KPTN: variants seen among roughly 807,000 people sequenced by gnomAD.
The protein encoded by KPTN is KICSTOR complex protein kaptin.
In KPTN, 36 loss-of-function variants were observed where a neutral mutation model predicts 52.6. The observed-to-expected ratio is 0.68, with a 90% CI of 0.52 to 0.90. The LOEUF (loss-of-function observed/expected upper bound fraction) is 0.90. KPTN is among the 40% of genes least tolerant of loss of function. The pLI is 0.00. For missense variants in KPTN, 529 were observed against 576.2 expected, an observed-to-expected ratio of 0.92 and a Z score of 0.84; for synonymous variants, 271 against 248.4, an observed-to-expected ratio of 1.09 and a Z score of -0.85.
rs201464773 is a variant in KPTN at position 47,476,526 on chromosome 19, G to A, written c.1182+6C>T. The A allele has an allele frequency of 1.9e-6, 3 of 1,591,050 alleles. No homozygotes were observed. The highest frequency in any genetic ancestry group is 2.6e-6 in the Non-Finnish European group (3 of 1,165,992). ...ACTCCCCTCCCACCCCAAGAGCTGG[G>A]GATACCTGCAGGATGTGCACGCCCT... On this transcript the variant is annotated splice_donor_region_variant and intron_variant, in intron 11 of 11. Coordinates refer to ENST00000338134, the MANE Select transcript of KPTN (RefSeq NM_007059.4).
rs1196229623 is a variant in KPTN at position 47,475,372 on chromosome 19, G to T, written c.*44C>A. On this transcript the variant is annotated 3_prime_UTR_variant, in exon 12 of 12. Transcript: ENST00000338134. ...CCCACCAGCGGCTGGAGGTGAGCACGCCATGAGTCGCCCCAGGTCTGGGAA... is the reference window on the plus strand; with the variant it reads ...CCCACCAGCGGCTGGAGGTGAGCACTCCATGAGTCGCCCCAGGTCTGGGAA... The T allele has an allele frequency of 6.3e-7, 1 of 1,598,780 alleles. No individual in the cohort carries two copies. Among genetic ancestry groups the T allele is most frequent in the Non-Finnish European group, 8.5e-7 (1 of 1,171,000 alleles).
At position 47,475,324 on chromosome 19, in the gene KPTN, G is replaced by C. The variant is rs1323644077; in HGVS notation, c.*92C>G. 1 of 1,472,402 alleles carries C rather than the reference G, an allele frequency of 6.8e-7. No homozygotes were observed. The highest frequency in any genetic ancestry group is 1.4e-5 in the African/African-American group (1 of 72,086). 91.2% of individuals were successfully genotyped at this position (1,472,402 alleles called of 1,614,324 possible). A position where few individuals can be genotyped will look rare whatever the true frequency, so the allele number is the denominator to read the frequency against. ...ACCACCCTGGGGAGGTCTGGGGAGA[G>C]CATCCTGTCCTTCAGGACACCCCCC... On this transcript the variant is annotated 3_prime_UTR_variant, in exon 12 of 12. Coordinates refer to ENST00000338134, the MANE Select transcript of KPTN (RefSeq NM_007059.4).
upstream of KPTN, among the ~76,000 whole-genome samples, chr19:47,485,702 A>G (rs1968052767): frequency 6.6e-6 from 1 of 152,226 alleles, no homozygotes; most frequent in African/African-American, 2.4e-5. Flanking sequence ...CATGATGGAA[A>G]GTTCTCAAAG....
At chr19:47,480,872 A>G in intron 5 of KPTN, 39 bp from the exon 6 acceptor site, 5 of 1,613,040 alleles carry the variant, frequency 3.1e-6, no homozygotes, top group Non-Finnish European at 4.2e-6. Flanking sequence ...CGCTTAAGTC[A>G]GCCGTCAGCT....
At position 47,475,398 on chromosome 19, in the gene KPTN, G is replaced by A; in HGVS notation, c.*18C>T. 6.2e-7 allele frequency: 1 copy of A among 1,610,336 alleles called. No individual in the cohort carries two copies. The highest frequency in any genetic ancestry group is 8.5e-7 in the Non-Finnish European group (1 of 1,177,640). On this transcript the variant is annotated 3_prime_UTR_variant, in exon 12 of 12. Transcript: ENST00000338134. ...CCATGAGTCGCCCCAGGTCTGGGAA[G>A]AGTGGGTGCATGGGTGCTTAAGAGG...
intron 2 of KPTN, 34 bp from the exon 3 acceptor site, chr19:47,483,413 G>C (rs1568458427): frequency 6.2e-7 from 1 of 1,607,266 alleles, no homozygotes; most frequent in Middle Eastern, 1.7e-4. Flanking sequence ...GGGAGGGCAG[G>C]GGTGGCAGGA....
At chr19:47,477,998 T>C (rs1967733821) in intron 8 of KPTN, among the ~76,000 whole-genome samples, 1 of 147,208 alleles carries the variant, frequency 6.8e-6, no homozygotes, top group East Asian at 2.0e-4. Context: ...AGGCGGAGGT[T>C]GGAGTGAGCC....
chr19:47,484,053 G>C lies in KPTN; in HGVS notation c.108C>G (p.Gly36=). Residue 36 remains glycine (G), a synonymous_variant, in exon 1 of 12, where the codon GGC becomes GGG. Transcript: ENST00000338134. ...SNVYGLAGGA[G]GRGELLAATL... is the part of the protein sequence containing the mutation. ...TGGCGGCCAGCAGCTCCCCGCGCCCGCCGGCGCCGCCTGCCAGCCCGTACA... is the reference window on the plus strand; with the variant it reads ...TGGCGGCCAGCAGCTCCCCGCGCCCCCCGGCGCCGCCTGCCAGCCCGTACA... 1 of 1,610,646 alleles carries C rather than the reference G, an allele frequency of 6.2e-7. No individual in the cohort carries two copies. The highest frequency in any genetic ancestry group is 1.1e-5 in the South Asian group (1 of 91,048).
At position 47,475,465 on chromosome 19, in the gene KPTN, C is replaced by T. The variant is rs1431723436; in HGVS notation, c.1262G>A (p.Gly421Glu). The change falls in exon 12 of 12, where the codon GGG becomes GAG. Residue 421 changes from glycine to glutamate, a missense_variant. Transcript: ENST00000338134. ...QVEQRRRRLQ[G>E]LEDGAGAGPA... ...CCCTGCACCTGCCCCGTCCTCCAAC[C>T]CCTGTAGCCGACGTCTCCTCTGCTC... 6.2e-7 allele frequency: 1 copy of T among 1,613,544 alleles called. No homozygotes were observed. Among genetic ancestry groups the T allele is most frequent in the Non-Finnish European group, 8.5e-7 (1 of 1,179,614 alleles).
intron 11 of KPTN, 90 bp from the exon 12 acceptor site, chr19:47,475,634 C>T (rs1967638767): frequency 6.6e-7 from 1 of 1,507,276 alleles, no homozygotes; most frequent in South Asian, 1.2e-5. Context: ...ACTCCAAAGG[C>T]CAGGAGCTCG....
Position 47,476,861 on chromosome 19 carries a change from AG to A in KPTN, c.940del (p.Leu314TrpfsTer61). ...CCCATCCAAATCCACATCGGTGACC[AG>A]GCTGCAGAGGACGCTGTCAAACTGG... ...SDQFDSVLCSLVTDVDLDGRP... is the reference protein window; with the variant it reads ...SDQFDSVLCSXVTDVDLDGRP... On this transcript the variant is annotated frameshift_variant, in exon 10 of 12. Coordinates refer to ENST00000338134, the MANE Select transcript of KPTN (RefSeq NM_007059.4). LOFTEE classifies it high-confidence loss of function. 1 of 1,572,508 alleles carries A rather than the reference AG, an allele frequency of 6.4e-7. No individual in the cohort carries two copies. The highest frequency in any genetic ancestry group is 8.6e-7 in the Non-Finnish European group (1 of 1,158,392).
rs759041364 is a variant in KPTN, at chr19:47,475,422, G to A, written c.1305C>T (p.Ala435=). 188 of 1,612,344 alleles carry A rather than the reference G, an allele frequency of 1.2e-4. No individual in the cohort carries two copies. In the Admixed American group the frequency reaches 1.3e-3, roughly 11 times the overall value. The change falls in exon 12 of 12, where the codon GCC becomes GCT. Residue 435 remains alanine, a synonymous_variant. Coordinates refer to ENST00000338134, the MANE Select transcript of KPTN (RefSeq NM_007059.4). ...AGAGTGGGTGCATGGGTGCTTAAGAGGCTGCATTCTCAGCAGGCCCTGCAC... is the reference window on the plus strand; with the variant it reads ...AGAGTGGGTGCATGGGTGCTTAAGAAGCTGCATTCTCAGCAGGCCCTGCAC... ...GAGAGPAENA[A]S
chr19:47,480,536 C>A, intron 6 of KPTN, 129 bp from the exon 7 acceptor site: 1 of 754,684 alleles, frequency 1.3e-6, no homozygotes, highest in Non-Finnish European at 2.1e-6. Context: ...CCTGGATAAT[C>A]CCCACCGCCC....
rs557157766 is a variant in KPTN, at chr19:47,478,219, G to C, written c.788-438C>G. Among the ~76,000 whole-genome samples, 15 of 152,218 alleles carry C rather than the reference G, an allele frequency of 9.9e-5. No homozygotes were observed. In the South Asian group the frequency reaches 2.9e-3, roughly 30 times the overall value. ...AGGCTGTGCTACACAGGGAGGGTTA[G>C]AGATTGGCCCATGAGACAAATTATA... On this transcript the variant is annotated intron_variant, in intron 8 of 11. Transcript: ENST00000338134.
At chr19:47,482,170 C>T (rs1457032709) in intron 4 of KPTN, among the ~76,000 whole-genome samples, 1 of 152,180 alleles carries the variant, frequency 6.6e-6, no homozygotes, top group Non-Finnish European at 1.5e-5. Flanking sequence ...GCCCCTTGGC[C>T]ATCCGGTCCA....
At chr19:47,483,782 C>T (rs1967974248) in intron 1 of KPTN, 153 bp downstream of exon 1, 1 of 1,123,578 alleles carries the variant, frequency 8.9e-7, no homozygotes, top group Non-Finnish European at 1.3e-6. Context: ...CTCATCCGGG[C>T]CCCAACTATG....
chr19:47,475,900 G>A (rs1011845802), intron 11 of KPTN, among the ~76,000 whole-genome samples: 1 of 151,654 alleles, frequency 6.6e-6, no homozygotes, highest in African/African-American at 2.4e-5. Context: ...GGTGGAGGTT[G>A]CAGTGAACTG....
Position 47,484,138 on chromosome 19 carries a change from G to T in KPTN, c.23C>A (p.Ala8Asp), listed in dbSNP as rs773306232. 5.0e-6 allele frequency: 8 copies of T among 1,598,078 alleles called. No homozygotes were observed. The highest frequency in any genetic ancestry group is 6.8e-6 in the Non-Finnish European group (8 of 1,178,596). Reference sequence around the variant, plus strand: ...CTCGCGCAACGGACAAGGCCCCGCGGCCACGGCCGCCTCCCCCATCATGCC... The same window carrying T: ...CTCGCGCAACGGACAAGGCCCCGCGTCCACGGCCGCCTCCCCCATCATGCC... MMGEAAV[A>D]AGPCPLREDS... Residue 8 changes from alanine to aspartate, a missense_variant, in exon 1 of 12, where the codon GCC (alanine) becomes GAC (aspartate). Physicochemically the swap from Ala to Asp is moderately radical, Grantham distance 126 (BLOSUM62 -2). Coordinates refer to ENST00000338134, the MANE Select transcript of KPTN (RefSeq NM_007059.4).
At chr19:47,480,177 T>G (rs1599874041) in intron 7 of KPTN, 121 bp downstream of exon 7, 1 of 206,634 alleles carries the variant, frequency 4.8e-6, no homozygotes. Flanking sequence ...AGCCCCACCC[T>G]CATCCCTCAA....
Sources: allele counts gnomAD v4.1 joint callset (sites outside exome capture counted in the v4.1 genomes callset), GRCh38; gene constraint gnomAD v4.1.1; transcripts MANE v1.5; gene names NCBI Gene and HGNC (gene_info 2026-07-23, HGNC 2026-07-21).